The following MDM2 variants were observed in gnomAD, a reference collection of about 807,000 sequenced individuals.
The protein encoded by MDM2 is MDM2 proto-oncogene, also known as E3 ubiquitin-protein ligase Mdm2.
In MDM2, 11 loss-of-function variants were observed where a neutral mutation model predicts 64.3. The ratio of observed to expected loss-of-function variants is 0.17; its 90% CI spans 0.11 to 0.28. The LOEUF (loss-of-function observed/expected upper bound fraction) is 0.28, where lower values mean the gene tolerates loss of function less well. Ranked by LOEUF, MDM2 falls within the 10% of genes least tolerant of loss-of-function variation. The pLI is 1.00. For missense variants in MDM2, 388 were observed against 577.1 expected, an observed-to-expected ratio of 0.67 and a Z score of 3.36; for synonymous variants, 194 against 192.9, an observed-to-expected ratio of 1.01 and a Z score of -0.05.
intron 7 of MDM2, 134 bp downstream of exon 7, chr12:68,824,785 A>T: frequency 1.6e-6 from 1 of 624,586 alleles, no homozygotes; most frequent in East Asian, 2.9e-5. Flanking sequence ...AGTTTTTTTC[A>T]TTCGTGATTT....
At chr12:68,828,640 G>T (rs535260396) in intron 7 of MDM2, 131 bp from the exon 8 acceptor site, 7 of 683,308 alleles carry the variant, frequency 1.0e-5, no homozygotes, top group African/African-American at 1.8e-5. Context: ...CAGTTGGACA[G>T]ATTCAATAAA....
In MDM2 at chr12:68,808,274, C is replaced by T. The variant is rs1194459965; in HGVS notation, c.-204C>T. On this transcript the variant is annotated 5_prime_UTR_variant, in exon 1 of 11. Transcript: ENST00000258149. ...GGAGCAAGAAGCCGAGCCCGAGGGGCGGCCGCGACCCCTCTGACCGAGATC... is the reference window on the plus strand; with the variant it reads ...GGAGCAAGAAGCCGAGCCCGAGGGGTGGCCGCGACCCCTCTGACCGAGATC... 1 of 620,414 alleles carries T rather than the reference C, an allele frequency of 1.6e-6. No homozygotes were observed. The highest frequency in any genetic ancestry group is 2.8e-6 in the Non-Finnish European group (1 of 356,160). 38.4% of individuals were successfully genotyped at this position (620,414 alleles called of 1,614,324 possible).
In MDM2 at chr12:68,839,661, T is replaced by C. The variant is rs1251503737; in HGVS notation, c.1306T>C (p.Leu436=). 6.2e-7 allele frequency: 1 copy of C among 1,613,502 alleles called. No homozygotes were observed. Among genetic ancestry groups the C allele is most frequent in the African/African-American group, 1.3e-5 (1 of 74,752 alleles). ...QDKEESVESS[L]PLNAIEPCVI... Reference sequence around the variant, plus strand: ...CAAAGAAGAGAGTGTGGAATCTAGTTTGCCCCTTAATGCCATTGAACCTTG... The same window carrying C: ...CAAAGAAGAGAGTGTGGAATCTAGTCTGCCCCTTAATGCCATTGAACCTTG... The change falls in exon 11 of 11, where the codon TTG becomes CTG. Residue 436 remains leucine (L), a synonymous_variant. Transcript: ENST00000258149.
At chr12:68,847,031 G>A (rs542625890), downstream of MDM2, 1 of 150,826 alleles carries the variant, frequency 6.6e-6, no homozygotes, top group Admixed American at 6.6e-5. Flanking sequence ...TGTCACCCAG[G>A]CTGGAGTATA....
chr12:68,817,138 C>A (rs1881453196), intron 4 of MDM2, 193 bp downstream of exon 4: 1 of 533,348 alleles, frequency 1.9e-6, no homozygotes, highest in Non-Finnish European at 3.1e-6. Context: ...TGTTTGAAAC[C>A]TAGCCCAATC....
chr12:68,815,433 C>CTTTTTT lies in MDM2; in HGVS notation c.175-1360_175-1355dup, dbSNP rs58178593. On this transcript the variant is annotated intron_variant, in intron 3 of 10. Transcript: ENST00000258149. ...GAAGAGCTGGGGCCAGTTTCTTCTTCTTTTTTTTTTTTTTTTTTTTTTTTA... is the reference window on the plus strand; with the variant it reads ...GAAGAGCTGGGGCCAGTTTCTTCTTCTTTTTTTTTTTTTTTTTTTTTTTTTTTTTTA... Among the ~76,000 whole-genome samples the CTTTTTT allele has an allele frequency of 3.9e-3, 360 of 92,986 alleles. 5 individuals are homozygous for CTTTTTT. Among genetic ancestry groups the CTTTTTT allele is most frequent in the African/African-American group, 7.3e-3 (166 of 22,788 alleles). The allele number at this position is 92,986 out of a possible 152,430, so 61.0% of individuals were successfully genotyped here. A position where few individuals can be genotyped will look rare whatever the true frequency, so the allele number is the denominator to read the frequency against.
At chr12:68,834,168 C>A (rs980154104) in intron 8 of MDM2, among the ~76,000 whole-genome samples, 2 of 152,216 alleles carry the variant, frequency 1.3e-5, no homozygotes, top group African/African-American at 4.8e-5. Context: ...ATGGGCTGGG[C>A]GAGGTGGCTC....
rs1036738788 is a variant in MDM2, at chr12:68,843,711, CTCTCTG to C, written c.*3866_*3871del. 5.9e-5 allele frequency: 13 copies of C among 221,422 alleles called. No individual in the cohort carries two copies. The highest frequency in any genetic ancestry group is 1.3e-3 in the Middle Eastern group (1 of 758). 13.7% of individuals were successfully genotyped at this position (221,422 alleles called of 1,614,324 possible). On this transcript the variant is annotated 3_prime_UTR_variant, in exon 11 of 11. Transcript: ENST00000258149. ...TGTTGCTTCAAAACTCTCTCTCTCT[CTCTCTG>C]TCTGTCTCAATAAATGGCCAAAGGG...
chr12:68,809,064 C>T (rs2136105193), intron 1 of MDM2, 144 bp from the exon 2 acceptor site: 1 of 1,500,240 alleles, frequency 6.7e-7, no homozygotes. Flanking sequence ...CGGACGCACG[C>T]CACTTTTTCT....
intron 7 of MDM2, among the ~76,000 whole-genome samples, chr12:68,825,622 C>T (rs1002362850): frequency 6.6e-6 from 1 of 152,060 alleles, no homozygotes; most frequent in Non-Finnish European, 1.5e-5. Flanking sequence ...CACTGCACTC[C>T]GCCTGGGCGA....
intron 5 of MDM2, 122 bp from the exon 6 acceptor site, chr12:68,824,234 CATGTTTA>C: frequency 1.7e-6 from 1 of 605,512 alleles, no homozygotes; most frequent in South Asian, 2.4e-5. Flanking sequence ...CTGGAAAATA[CATGTTTA>C]ATGTTTATTG....
At chr12:68,831,713 G>T (rs1438245503) in intron 8 of MDM2, among the ~76,000 whole-genome samples, 4 of 152,082 alleles carry the variant, frequency 2.6e-5, no homozygotes, top group Non-Finnish European at 4.4e-5. Context: ...GTGGAGTAGA[G>T]GGGTATTTCT....
chr12:68,836,562 C>T, intron 9 of MDM2, 110 bp from the exon 10 acceptor site: 1 of 803,824 alleles, frequency 1.2e-6, no homozygotes, highest in Non-Finnish European at 2.2e-6. Flanking sequence ...TTGTCTAAGG[C>T]TTTCTCATAT....
chr12:68,827,494 C>T (rs747709264), intron 7 of MDM2, among the ~76,000 whole-genome samples: 5 of 152,046 alleles, frequency 3.3e-5, no homozygotes, highest in South Asian at 2.1e-4. Flanking sequence ...ATATTATCTT[C>T]GAATTTGACC....
intron 7 of MDM2, chr12:68,828,463 G>A (rs1324848839): frequency 8.0e-6 from 2 of 251,064 alleles, no homozygotes; most frequent in African/African-American, 4.4e-5. Flanking sequence ...AGCTACTCGG[G>A]AGGCTGAGGT....
chr12:68,816,439 C>A (rs996789239), intron 3 of MDM2, among the ~76,000 whole-genome samples: 1 of 105,684 alleles, frequency 9.5e-6, no homozygotes, highest in Non-Finnish European at 1.6e-5. Flanking sequence ...GTGGCGCAAT[C>A]TCGGCTCACT....
At chr12:68,832,275 A>G (rs1425288828) in intron 8 of MDM2, among the ~76,000 whole-genome samples, 2 of 152,108 alleles carry the variant, frequency 1.3e-5, no homozygotes, top group East Asian at 3.9e-4. Context: ...TTGGGGTTTA[A>G]TAAATTGTGG....
chr12:68,840,135 C>A lies in MDM2; in HGVS notation c.*286C>A. Reference sequence around the variant, plus strand: ...TTTTTTTTCTTAAATATGTATATGACATTTAAATGTAACTTATTATTTTTT... The same window carrying A: ...TTTTTTTTCTTAAATATGTATATGAAATTTAAATGTAACTTATTATTTTTT... On this transcript the variant is annotated 3_prime_UTR_variant, in exon 11 of 11. Coordinates refer to ENST00000258149, the MANE Select transcript of MDM2 (RefSeq NM_002392.6). The A allele has an allele frequency of 3.0e-6, 1 of 333,964 alleles. No individual in the cohort carries two copies. The highest frequency in any genetic ancestry group is 5.4e-6 in the Non-Finnish European group (1 of 185,252). 20.7% of individuals were successfully genotyped at this position (333,964 alleles called of 1,614,324 possible).
At chr12:68,836,791 A>G (rs1883343317) in intron 10 of MDM2, 42 bp downstream of exon 10, 1 of 1,307,964 alleles carries the variant, frequency 7.6e-7, no homozygotes. Flanking sequence ...AAATTTCATT[A>G]AGGTCAAGAT....
Sources: gnomAD v4.1 joint callset for allele counts (sites outside exome capture counted in the v4.1 genomes callset) on GRCh38, gnomAD v4.1.1 for gene constraint, MANE v1.5 for transcripts, NCBI Gene and HGNC (gene_info 2026-07-23, HGNC 2026-07-21) for gene names.